The following KMO variants were observed in gnomAD, a reference collection of about 807,000 sequenced individuals.
KMO encodes the protein kynurenine 3-monooxygenase, also known as kynurenine 3-hydroxylase.
Under a neutral mutation model 57.8 loss-of-function variants are expected in KMO, and 24 were observed. The observed-to-expected ratio is 0.42, with a 90% CI of 0.30 to 0.58. KMO has a LOEUF of 0.58. Among genes scored for constraint, KMO ranks in the 20% least tolerant of loss-of-function variants. KMO has a pLI of 0.22. For synonymous variants in KMO, 210 were observed against 193.6 expected (o/e 1.08, Z -0.70); for missense variants, 483 against 588.2 (o/e 0.82, Z 1.85).
intron 6 of KMO, among the ~76,000 whole-genome samples, chr1:241,561,537 A>G (rs151172776): frequency 6.6e-6 from 1 of 152,170 alleles, no homozygotes; most frequent in Non-Finnish European, 1.5e-5. Context: ...ATTCCTGCAC[A>G]TGTAATATAA....
intron 10 of KMO, among the ~76,000 whole-genome samples, chr1:241,576,453 T>C (rs1293607001): frequency 6.6e-6 from 1 of 152,130 alleles, no homozygotes; most frequent in African/African-American, 2.4e-5. Flanking sequence ...TAAGGCTCAT[T>C]AGGTAGTAAA....
At chr1:241,540,366 A>G (rs903292763) in intron 1 of KMO, among the ~76,000 whole-genome samples, 1 of 152,132 alleles carries the variant, frequency 6.6e-6, no homozygotes, top group Non-Finnish European at 1.5e-5. Flanking sequence ...ACATCTATAT[A>G]CATATATATA....
chr1:241,588,329 CTTTTTTTTTT>C (rs57587351), intron 11 of KMO, among the ~76,000 whole-genome samples: 1 of 98,390 alleles, frequency 1.0e-5, no homozygotes, highest in African/African-American at 3.9e-5. Flanking sequence ...TCTTTTTTTT[CTTTTTTTTTT>C]TTTTTTTTTT....
intron 5 of KMO, among the ~76,000 whole-genome samples, chr1:241,560,320 A>G (rs544308738): frequency 6.6e-6 from 1 of 152,324 alleles, no homozygotes; most frequent in East Asian, 1.9e-4. Flanking sequence ...TTCCAGTCAC[A>G]ACAAAGCCTC....
In KMO at chr1:241,594,417, A is replaced by G. The variant is rs749659640; in HGVS notation, c.*2264A>G. 4 of 1,607,308 alleles carry G rather than the reference A, an allele frequency of 2.5e-6. No individual in the cohort carries two copies. The highest frequency in any genetic ancestry group is 2.2e-5 in the East Asian group (1 of 44,740). On this transcript the variant is annotated 3_prime_UTR_variant, in exon 15 of 15. Transcript: ENST00000366559. ...ATTTAAGGCCCCATCTTTCGTTGCC[A>G]TTCTTCATTCCTACAAAGGACGAAC...
chr1:241,566,349 G>A, intron 8 of KMO, 142 bp from the exon 9 acceptor site: 2 of 880,400 alleles, frequency 2.3e-6, no homozygotes, highest in South Asian at 3.7e-5. Context: ...GGAACAAAGT[G>A]ACAGTGCCTT....
At chr1:241,586,867 T>A (rs1573940347) in intron 11 of KMO, 131 bp downstream of exon 11, 1 of 661,372 alleles carries the variant, frequency 1.5e-6, no homozygotes, top group East Asian at 2.8e-5. Context: ...TACATATTTT[T>A]CTACTAATAG....
chr1:241,538,474 GA>G (rs937108472), intron 1 of KMO, among the ~76,000 whole-genome samples: 5 of 152,322 alleles, frequency 3.3e-5, no homozygotes, highest in African/African-American at 4.8e-5. Flanking sequence ...ATACATGCCA[GA>G]GACGTTGTCT....
At chr1:241,544,805 A>ATAAT (rs1291088419) in intron 1 of KMO, among the ~76,000 whole-genome samples, 4 of 152,188 alleles carry the variant, frequency 2.6e-5, no homozygotes, top group African/African-American at 4.8e-5. Flanking sequence ...ACTTAAACAC[A>ATAAT]TAATTATTTT....
rs1158931716 is a variant in KMO at position 241,549,783 on chromosome 1, T to C, written c.222+9T>C. ...TTGGCCTGGAAGATCAGGTACTTAA[T>C]GTATCTTTCTTACAGAAGATAATAC... is the stretch of plus-strand genomic sequence containing the variant. On this transcript the variant is annotated intron_variant, in intron 3 of 14. Coordinates refer to ENST00000366559, the MANE Select transcript of KMO (RefSeq NM_003679.5). 1.2e-5 allele frequency: 18 copies of C among 1,533,448 alleles called. No homozygotes were observed. The highest frequency in any genetic ancestry group is 3.4e-5 in the Admixed American group (2 of 59,084). The allele number at this position is 1,533,448 out of a possible 1,614,324, so 95.0% of individuals were successfully genotyped here.
chr1:241,577,607 C>A (rs1662571600), intron 10 of KMO, among the ~76,000 whole-genome samples: 1 of 152,030 alleles, frequency 6.6e-6, no homozygotes, highest in Admixed American at 6.6e-5. Flanking sequence ...TTCACGGTCT[C>A]CTATGGGGTT....
At chr1:241,579,228 A>G (rs1400567089) in intron 10 of KMO, among the ~76,000 whole-genome samples, 1 of 152,128 alleles carries the variant, frequency 6.6e-6, no homozygotes, top group Non-Finnish European at 1.5e-5. Flanking sequence ...TACTTGCAAA[A>G]GAGCACCAGG....
chr1:241,532,664 GATTTA>G (rs1198952597), intron 1 of KMO, among the ~76,000 whole-genome samples, 166 bp downstream of exon 1: 4 of 151,774 alleles, frequency 2.6e-5, no homozygotes, highest in African/African-American at 9.7e-5. Flanking sequence ...TATTTTCATA[GATTTA>G]ATATAGTATG....
intron 5 of KMO, among the ~76,000 whole-genome samples, chr1:241,558,743 C>T (rs950520329): frequency 3.4e-5 from 5 of 148,416 alleles, no homozygotes; most frequent in Admixed American, 6.8e-5. Context: ...ATACCAGGCA[C>T]GTGTATACTT....
intron 3 of KMO, 24 bp downstream of exon 3, chr1:241,549,798 G>A: frequency 7.3e-7 from 1 of 1,375,676 alleles, no homozygotes; most frequent in Non-Finnish European, 1.0e-6. Context: ...CTTTCTTACA[G>A]AAGATAATAC....
chr1:241,568,703 A>G, intron 10 of KMO, 56 bp downstream of exon 10: 2 of 1,536,710 alleles, frequency 1.3e-6, no homozygotes, highest in Non-Finnish European at 1.8e-6. Context: ...AGTCTCAGCT[A>G]ACAAGTCTTA....
chr1:241,549,501 C>G (rs182009353), intron 2 of KMO, among the ~76,000 whole-genome samples, 176 bp from the exon 3 acceptor site: 252 of 151,688 alleles, frequency 1.7e-3, no homozygotes, highest in African/African-American at 5.9e-3. Context: ...AAAAAAACAC[C>G]AACTATCTAA....
At chr1:241,546,026 C>T (rs1363514878) in intron 1 of KMO, among the ~76,000 whole-genome samples, 1 of 151,826 alleles carries the variant, frequency 6.6e-6, no homozygotes, top group Non-Finnish European at 1.5e-5. Context: ...CATTTTTTTT[C>T]CAGAGAGGAT....
chr1:241,550,777 G>T (rs1661365081), intron 3 of KMO, among the ~76,000 whole-genome samples, 178 bp from the exon 4 acceptor site: 2 of 152,010 alleles, frequency 1.3e-5, no homozygotes, highest in Non-Finnish European at 2.9e-5. Context: ...CAAACTAAAA[G>T]CTTCAGGATC....
Sources: gnomAD v4.1 joint callset for allele counts (sites outside exome capture counted in the v4.1 genomes callset) on GRCh38, gnomAD v4.1.1 for gene constraint, MANE v1.5 for transcripts, NCBI Gene and HGNC (gene_info 2026-07-23, HGNC 2026-07-21) for gene names.